DNHD1: variants seen among roughly 807,000 people sequenced by gnomAD.
DNHD1 encodes the protein dynein heavy chain domain-containing protein 1.
A neutral mutation model predicts 458.1 loss-of-function variants in DNHD1; 383 were observed. The ratio of observed to expected loss-of-function variants is 0.84; its 90% CI spans 0.77 to 0.91. The LOEUF (loss-of-function observed/expected upper bound fraction) is 0.91. DNHD1 is among the 40% of genes least tolerant of loss of function. The pLI is 0.00. For synonymous variants in DNHD1, 2,203 were observed against 2,376.9 expected (o/e 0.93, Z 2.13); for missense variants, 5,336 against 5,866.1 (o/e 0.91, Z 2.95).
At chr11:6,534,310 T>A in intron 14 of DNHD1, 137 bp downstream of exon 14, 1 of 914,848 alleles carries the variant, frequency 1.1e-6, no homozygotes, top group Non-Finnish European at 1.6e-6. Context: ...CTGGTGTCTT[T>A]TATAAATGAA....
rs755563801 is a variant in DNHD1 at position 6,563,517 on chromosome 11, G to A, written c.9805G>A (p.Gly3269Ser). The A allele has an allele frequency of 1.9e-6, 3 of 1,551,622 alleles. No homozygotes were observed. In the East Asian group the frequency reaches 7.3e-5, roughly 38 times the overall value. Residue 3269 changes from glycine (G) to serine (S), a missense_variant, in exon 30 of 43, where the codon GGC (glycine) becomes AGC (serine). Physicochemically the swap from Gly to Ser is moderately conservative, Grantham distance 56. Around this residue, in one of 4 missense-constraint regions of DNHD1, gnomAD observed 3,932 missense variants for 4,365.6 expected, o/e 0.90. Transcript: ENST00000254579. The stretch of plus-strand genomic sequence containing the variant: ...GTGTGACTTGTTCCACCATGAAACA[G>A]GCTGGGCCAGTGCCAAACAGCTGTT... ...AMCDLFHHET[G>S]WASAKQLLCT...
In DNHD1 at chr11:6,545,704, G is replaced by T; in HGVS notation, c.4765G>T (p.Glu1589Ter). 1.3e-6 allele frequency: 2 copies of T among 1,551,670 alleles called. No individual in the cohort carries two copies. ...TCACCGGGATATAGCACAGCTGCTG[G>T]AACAGCACCAGGTCAGTGATCTCAC... ...VTHRDIAQLL[E>*]QHQVSDLTDF... The change falls in exon 21 of 43, where the codon GAA (glutamate) becomes TAA (stop). Residue 1589 changes from glutamate (E) to a stop codon, truncating the protein, a stop_gained. Transcript: ENST00000254579. LOFTEE classifies it high-confidence loss of function. This position sits in a 1 kb window ranked among gnomAD's most constrained non-coding sequence, Gnocchi z 4.9.
At chr11:6,507,581 A>C (rs1001872215) in intron 4 of DNHD1, among the ~76,000 whole-genome samples, 6 of 152,166 alleles carry the variant, frequency 3.9e-5, no homozygotes, top group Non-Finnish European at 8.8e-5. Flanking sequence ...TGAGAAGAGT[A>C]CTGTATAACT....
intron 24 of DNHD1, among the ~76,000 whole-genome samples, chr11:6,550,636 C>G (rs1030671922): frequency 6.6e-6 from 1 of 152,114 alleles, no homozygotes; most frequent in African/African-American, 2.4e-5. Context: ...AAAAGATGCA[C>G]TTTAAATATA....
intron 6 of DNHD1, 64 bp downstream of exon 6, chr11:6,509,336 ATGTT>A: frequency 2.9e-6 from 4 of 1,397,028 alleles, no homozygotes; most frequent in Admixed American, 2.2e-5. Context: ...AGGTAATAGT[ATGTT>A]TGTTGTAGAA....
intron 6 of DNHD1, 67 bp downstream of exon 6, chr11:6,509,339 TTTG>T: frequency 7.3e-7 from 1 of 1,372,822 alleles, no homozygotes; most frequent in Non-Finnish European, 1.0e-6. Flanking sequence ...TAATAGTATG[TTTG>T]TTGTAGAAAA....
At chr11:6,560,561 T>C (rs924176320) in intron 28 of DNHD1, among the ~76,000 whole-genome samples, 14 of 152,232 alleles carry the variant, frequency 9.2e-5, no homozygotes, top group African/African-American at 3.1e-4. Flanking sequence ...ACCAGGATTG[T>C]TGATCTGGTT....
chr11:6,520,530 G>T (rs911643373), intron 10 of DNHD1: 1 of 1,363,084 alleles, frequency 7.3e-7, no homozygotes, highest in Middle Eastern at 2.8e-4. Flanking sequence ...GTATGAAAGA[G>T]TGTGAGTACA....
chr11:6,565,559 T>C lies in DNHD1; in HGVS notation c.10757-136T>C. On this transcript the variant is annotated intron_variant, in intron 32 of 42. Transcript: ENST00000254579. ...TTTTGCAGATAAGAAAATTGAGTCA[T>C]AGAGAGCTTAAGCAACTTTCCTAAG... The C allele has an allele frequency of 5.5e-6, 5 of 917,200 alleles. No individual in the cohort carries two copies. The South Asian group carries it at 5.5e-5, about 10-fold the overall frequency. The allele number at this position is 917,200 out of a possible 1,614,324, so 56.8% of individuals were successfully genotyped here.
At position 6,556,998 on chromosome 11, in the gene DNHD1, T is replaced by G. The variant is rs1222000428; in HGVS notation, c.7703T>G (p.Val2568Gly). 1 of 1,551,656 alleles carries G rather than the reference T, an allele frequency of 6.4e-7. No individual in the cohort carries two copies. Among genetic ancestry groups the G allele is most frequent in the East Asian group, 2.4e-5 (1 of 40,912 alleles). The change falls in exon 25 of 43, where the codon GTA becomes GGA. Residue 2568 changes from valine to glycine, a missense_variant. This residue lies in a region of DNHD1 where 3,932 missense variants were observed against 4,365.6 expected (regional missense o/e 0.90). Coordinates refer to ENST00000254579, the MANE Select transcript of DNHD1 (RefSeq NM_144666.3). Reference sequence around the variant, plus strand: ...GCACGAGGTCTGGTTAGGGCCTCAGTAGAGGCCTGGGAGGCTGTGTGCAAT... The same window carrying G: ...GCACGAGGTCTGGTTAGGGCCTCAGGAGAGGCCTGGGAGGCTGTGTGCAAT... ...ALARGLVRAS[V>G]EAWEAVCNCF... is the part of the protein sequence containing the mutation.
intron 3 of DNHD1, among the ~76,000 whole-genome samples, chr11:6,501,206 A>G (rs190552837): frequency 1.3e-3 from 190 of 151,704 alleles, no homozygotes; most frequent in Middle Eastern, 0.01. Flanking sequence ...TGAAGTGGAA[A>G]TCGCATTTTA....
chr11:6,563,042 G>C lies in DNHD1; in HGVS notation c.9580G>C (p.Glu3194Gln). 2 of 1,551,720 alleles carry C rather than the reference G, an allele frequency of 1.3e-6. No homozygotes were observed. Among genetic ancestry groups the C allele is most frequent in the South Asian group, 1.2e-5 (1 of 84,064 alleles). ...CAAGCTCCTATACAAGCAGCAGCTG[G>C]AAGAGTGTCGGCATCAAGAGAACCT... ...QSKLLYKQQL[E>Q]ECRHQENLIE... Residue 3194 changes from glutamate (E) to glutamine (Q), a missense_variant, in exon 29 of 43, where the codon GAA (glutamate) becomes CAA (glutamine). Coordinates refer to ENST00000254579, the MANE Select transcript of DNHD1 (RefSeq NM_144666.3).
chr11:6,532,936 A>T, intron 12 of DNHD1, 91 bp from the exon 13 acceptor site: 1 of 1,255,330 alleles, frequency 8.0e-7, no homozygotes, highest in Non-Finnish European at 1.1e-6. Context: ...CTGACCTGCC[A>T]TTCAGCCTAC....
chr11:6,558,357 G>C, intron 25 of DNHD1, 60 bp downstream of exon 25: 1 of 1,533,712 alleles, frequency 6.5e-7, no homozygotes, highest in Non-Finnish European at 8.8e-7. Context: ...TGGCCAAAAG[G>C]CCAAAAGGAA....
intron 14 of DNHD1, among the ~76,000 whole-genome samples, chr11:6,535,133 T>G (rs1852917991): frequency 6.6e-6 from 1 of 152,356 alleles, no homozygotes; most frequent in Middle Eastern, 3.4e-3. Flanking sequence ...AGTCATTCCT[T>G]TATTCTTTTT....
intron 10 of DNHD1, chr11:6,520,616 CT>C: frequency 8.7e-7 from 1 of 1,152,068 alleles, no homozygotes; most frequent in African/African-American, 1.5e-5. Flanking sequence ...TCATTTACTA[CT>C]GAATTTTATT....
Position 6,519,691 on chromosome 11 carries a change from T to G in DNHD1, c.1484T>G (p.Leu495Arg), listed in dbSNP as rs1455983806. The change falls in exon 8 of 43, where the codon CTT (leucine) becomes CGT (arginine). Residue 495 changes from leucine (L) to arginine (R), a missense_variant. By Grantham distance (102) the Leu-to-Arg change is moderately radical. This residue lies in a region of DNHD1 where 3,932 missense variants were observed against 4,365.6 expected (regional missense o/e 0.90). Transcript: ENST00000254579. ...AGGACAGGCCAAGGCTCCATATACC[T>G]TCAGAGGGTACAGCACAAGCAACTG... ...RIRTGQGSIY[L>R]QRVQHKQLEQ... The G allele has an allele frequency of 1.2e-6, 2 of 1,614,136 alleles. No homozygotes were observed. Among genetic ancestry groups the G allele is most frequent in the Non-Finnish European group, 1.7e-6 (2 of 1,180,022 alleles).
chr11:6,558,685 T>C lies in DNHD1; in HGVS notation c.9203T>C (p.Leu3068Pro), dbSNP rs1443403998. The change falls in exon 26 of 43, where the codon CTT becomes CCT. Residue 3068 changes from leucine (L) to proline (P), a missense_variant. Physicochemically the swap from Leu to Pro is moderately conservative, Grantham distance 98 (BLOSUM62 -3). Transcript: ENST00000254579. The stretch of plus-strand genomic sequence containing the variant: ...CTGGAGGGTGCTCAGAGTGTGCCCC[T>C]TGATGACGGTAAGCCCTTTTTACTT... ...HHLEGAQSVP[L>P]DDGSWKYPDL... The C allele has an allele frequency of 5.2e-6, 8 of 1,549,546 alleles. No individual in the cohort carries two copies. The highest frequency in any genetic ancestry group is 7.0e-6 in the Non-Finnish European group (8 of 1,146,968).
In DNHD1 at chr11:6,545,406, G is replaced by A; in HGVS notation, c.4467G>A (p.Lys1489=). The A allele has an allele frequency of 1.3e-6, 2 of 1,551,796 alleles. No individual in the cohort carries two copies. Among genetic ancestry groups the A allele is most frequent in the East Asian group, 4.9e-5 (2 of 40,928 alleles). Residue 1489 remains lysine, a synonymous_variant, in exon 21 of 43, where the codon AAG becomes AAA. Transcript: ENST00000254579. The surrounding 1 kb of genome is among the most constrained non-coding windows in gnomAD (Gnocchi z 4.9). The stretch of plus-strand genomic sequence containing the variant: ...TCAAGCAACTGCCCAAGCAAAACAA[G>A]TTGTACCTGCAACTGTATGTCCAGC... The part of the protein sequence containing the change: ...EALKQLPKQN[K]LYLQLYVQHW...
Sources: gnomAD v4.1 joint callset for allele counts (sites outside exome capture counted in the v4.1 genomes callset) on GRCh38, gnomAD v4.1.1 for gene constraint, gnomAD v4.1.1 regional missense constraint, Gnocchi (gnomAD v3.1) non-coding constraint, MANE v1.5 for transcripts, NCBI Gene and HGNC (gene_info 2026-07-23, HGNC 2026-07-21) for gene names.